Variants in NAGS observed in about 807,000 individuals in gnomAD.
NAGS encodes the protein N-acetylglutamate synthase.
In NAGS, 34 loss-of-function variants were observed where a neutral mutation model predicts 46.9. The observed-to-expected ratio is 0.72, with a 90% CI of 0.55 to 0.97. NAGS has a LOEUF of 0.97. Among genes scored for constraint, NAGS ranks in the 50% least tolerant of loss-of-function variants. The pLI, the probability that NAGS is intolerant of heterozygous loss-of-function variation, is 0.00. For synonymous variants in NAGS, 334 were observed against 346.3 expected (o/e 0.96, Z 0.39); for missense variants, 665 against 747.0 (o/e 0.89, Z 1.28).
In NAGS at chr17:44,008,549, C is replaced by T; in HGVS notation, c.1553C>T (p.Ala518Val). The change falls in exon 7 of 7, where the codon GCC becomes GTC. Residue 518 changes from alanine to valine, a missense_variant. Coordinates refer to ENST00000293404, the MANE Select transcript of NAGS (RefSeq NM_153006.3). ...GACTCCTATGAGTTGGTCAACCACG[C>T]CAAGGGACTGCCAGACTCCTTTCAC... ...IRDSYELVNH[A>V]KGLPDSFHKP... 3 of 1,614,276 alleles carry T rather than the reference C, an allele frequency of 1.9e-6. No homozygotes were observed. Among genetic ancestry groups the T allele is most frequent in the Non-Finnish European group, 2.5e-6 (3 of 1,180,052 alleles).
Position 44,007,258 on chromosome 17 carries a change from G to A in NAGS, c.1097-65G>A, listed in dbSNP as rs1229331484. The A allele has an allele frequency of 3.9e-6, 6 of 1,531,178 alleles. No homozygotes were observed. The highest frequency in any genetic ancestry group is 5.4e-6 in the Non-Finnish European group (6 of 1,118,812). 94.8% of individuals were successfully genotyped at this position (1,531,178 alleles called of 1,614,324 possible). On this transcript the variant is annotated intron_variant, in intron 4 of 6. Transcript: ENST00000293404. This position sits in a 1 kb window ranked among gnomAD's most constrained non-coding sequence, Gnocchi z 5.1. ...TGTCCCACCAGCGCCTGTCCTACCT[G>A]CAGTCCCCACCAGGCTGCGCAAACG...
Position 44,006,670 on chromosome 17 carries a change from G to A in NAGS, c.1057G>A (p.Ala353Thr), listed in dbSNP as rs1320094253. Residue 353 changes from alanine (A) to threonine (T), a missense_variant, in exon 4 of 7, where the codon GCC becomes ACC. Ala to Thr is a moderately conservative substitution (Grantham distance 58, BLOSUM62 0). Coordinates refer to ENST00000293404, the MANE Select transcript of NAGS (RefSeq NM_153006.3). This position sits in a 1 kb window ranked among gnomAD's most constrained non-coding sequence, Gnocchi z 4.8. ...CCACCACTCCTCGGCCGTCATCACC[G>A]CCGCTAGCACGCTGCTCACTGAGCT... ...LPHHSSAVITAASTLLTELFS... is the reference protein window; with the variant it reads ...LPHHSSAVITTASTLLTELFS... 13 of 1,611,522 alleles carry A rather than the reference G, an allele frequency of 8.1e-6. No homozygotes were observed. Among genetic ancestry groups the A allele is most frequent in the Non-Finnish European group, 1.1e-5 (13 of 1,179,164 alleles).
Position 44,004,703 on chromosome 17 carries a change from G to A in NAGS, c.40G>A (p.Ala14Thr). 3 of 1,521,234 alleles carry A rather than the reference G, an allele frequency of 2.0e-6. No individual in the cohort carries two copies. Among genetic ancestry groups the A allele is most frequent in the South Asian group, 2.6e-5 (2 of 77,842 alleles). 94.2% of individuals were successfully genotyped at this position (1,521,234 alleles called of 1,614,324 possible). A position where few individuals can be genotyped will look rare whatever the true frequency, so the allele number is the denominator to read the frequency against. ...GATGGCTGTGGTTCTGCGGGCAGCT[G>A]CTGTAGCCCCGAGGCTGAGAGGCCG... ...ALMAVVLRAA[A>T]VAPRLRGRGG... The change falls in exon 1 of 7, where the codon GCT (alanine) becomes ACT (threonine). Residue 14 changes from alanine to threonine, a missense_variant. Coordinates refer to ENST00000293404, the MANE Select transcript of NAGS (RefSeq NM_153006.3).
chr17:44,006,084 C>T lies in NAGS; in HGVS notation c.762C>T (p.Ser254=), dbSNP rs771442151. Residue 254 remains serine, a synonymous_variant, in exon 3 of 7, where the codon AGC becomes AGT. Transcript: ENST00000293404. This position sits in a 1 kb window ranked among gnomAD's most constrained non-coding sequence, Gnocchi z 4.8. ...DLLQWCLESG[S]IPILCPIGET... is the part of the protein sequence containing the mutation. ...TGCAGTGGTGCCTGGAGTCGGGCAG[C>T]ATCCCCATCCTGTGCCCCATCGGGG... The T allele has an allele frequency of 6.2e-7, 1 of 1,612,388 alleles. No individual in the cohort carries two copies. The highest frequency in any genetic ancestry group is 8.5e-7 in the Non-Finnish European group (1 of 1,179,660).
Position 44,008,531 on chromosome 17 carries a change from A to AT in NAGS, c.1536dup (p.Glu513Ter), listed in dbSNP as rs1567944301. 1 of 1,614,238 alleles carries AT rather than the reference A, an allele frequency of 6.2e-7. No individual in the cohort carries two copies. Among genetic ancestry groups the AT allele is most frequent in the Admixed American group, 1.7e-5 (1 of 60,032 alleles). ...GGCCTGGCTGATATCCGGGACTCCTATGAGTTGGTCAACCACGCCAAGGGA... is the reference window on the plus strand; with the variant it reads ...GGCCTGGCTGATATCCGGGACTCCTATTGAGTTGGTCAACCACGCCAAGGGA... On this transcript the variant is annotated frameshift_variant, in exon 7 of 7. Coordinates refer to ENST00000293404, the MANE Select transcript of NAGS (RefSeq NM_153006.3). LOFTEE classifies it high-confidence loss of function.
In NAGS at chr17:44,005,545, G is replaced by A. The variant is rs1182427248; in HGVS notation, c.427-92G>A. Reference sequence around the variant, plus strand: ...ACTGGGTCCTGACAGCTTCTGGAAGGGTAGGGTCACCGAGACGGCCCTGCA... The same window carrying A: ...ACTGGGTCCTGACAGCTTCTGGAAGAGTAGGGTCACCGAGACGGCCCTGCA... On this transcript the variant is annotated intron_variant, in intron 1 of 6. Coordinates refer to ENST00000293404, the MANE Select transcript of NAGS (RefSeq NM_153006.3). This position sits in a 1 kb window ranked among gnomAD's most constrained non-coding sequence, Gnocchi z 7.2. 5.2e-6 allele frequency: 8 copies of A among 1,528,586 alleles called. No individual in the cohort carries two copies. The Admixed American group carries it at 1.5e-4, about 30-fold the overall frequency. 94.7% of individuals were successfully genotyped at this position (1,528,586 alleles called of 1,614,324 possible). A position where few individuals can be genotyped will look rare whatever the true frequency, so the allele number is the denominator to read the frequency against.
rs1424091637 is a variant in NAGS at position 44,005,320 on chromosome 17, C to T, written c.426+231C>T. 6.6e-6 allele frequency among the ~76,000 whole-genome samples: 1 copy of T among 152,228 alleles called. No homozygotes were observed. Among genetic ancestry groups the T allele is most frequent in the African/African-American group, 2.4e-5 (1 of 41,462 alleles). ...GGGACCCCACCCGCCAGGTGTGATG[C>T]TCTGAAGAAGGCCCCCAACATGGGC... On this transcript the variant is annotated intron_variant, in intron 1 of 6. Transcript: ENST00000293404. This position sits in a 1 kb window ranked among gnomAD's most constrained non-coding sequence, Gnocchi z 7.2.
At chr17:44,008,376 G>T in intron 6 of NAGS, 72 bp from the exon 7 acceptor site, 1 of 1,578,126 alleles carries the variant, frequency 6.3e-7, no homozygotes, top group South Asian at 1.1e-5. Context: ...GTTTTTTAAA[G>T]ACAGAACCAG....
Position 44,005,006 on chromosome 17 carries a change from GC to G in NAGS, c.345del (p.Ser116AlafsTer54). 1 of 1,554,514 alleles carries G rather than the reference GC, an allele frequency of 6.4e-7. No individual in the cohort carries two copies. On this transcript the variant is annotated frameshift_variant, in exon 1 of 7. Transcript: ENST00000293404. LOFTEE classifies it high-confidence loss of function. This position sits in a 1 kb window ranked among gnomAD's most constrained non-coding sequence, Gnocchi z 7.2. Reference protein sequence around the residue: ...DIQAFLNQCGASPGEARHWLT... With the variant: ...DIQAFLNQCGXSPGEARHWLT... Reference sequence around the variant, plus strand: ...CCAGGCCTTCCTGAACCAGTGCGGGGCCAGCCCTGGGGAGGCGCGCCACTGG... The same window carrying G: ...CCAGGCCTTCCTGAACCAGTGCGGGGCAGCCCTGGGGAGGCGCGCCACTGG...
chr17:44,006,398 T>C lies in NAGS; in HGVS notation c.916-131T>C. On this transcript the variant is annotated intron_variant, in intron 3 of 6. Coordinates refer to ENST00000293404, the MANE Select transcript of NAGS (RefSeq NM_153006.3). The surrounding 1 kb of genome is among the most constrained non-coding windows in gnomAD (Gnocchi z 4.8). ...GAGTTCAGCCCTGGGTGCCCAGATCTGCGCCCTCCCTGGCTAAGGACTCCG... is the reference window on the plus strand; with the variant it reads ...GAGTTCAGCCCTGGGTGCCCAGATCCGCGCCCTCCCTGGCTAAGGACTCCG... 2.0e-6 allele frequency: 3 copies of C among 1,467,004 alleles called. No homozygotes were observed. The highest frequency in any genetic ancestry group is 2.8e-6 in the Non-Finnish European group (3 of 1,075,718). 90.9% of individuals were successfully genotyped at this position (1,467,004 alleles called of 1,614,324 possible). A position where few individuals can be genotyped will look rare whatever the true frequency, so the allele number is the denominator to read the frequency against.
chr17:44,007,145 G>A lies in NAGS; in HGVS notation c.1097-178G>A, dbSNP rs2049104653. 3.1e-6 allele frequency: 2 copies of A among 653,502 alleles called. No homozygotes were observed. The highest frequency in any genetic ancestry group is 5.5e-5 in the East Asian group (2 of 36,220). The allele number at this position is 653,502 out of a possible 1,614,324, so 40.5% of individuals were successfully genotyped here. On this transcript the variant is annotated intron_variant, in intron 4 of 6. Transcript: ENST00000293404. This position sits in a 1 kb window ranked among gnomAD's most constrained non-coding sequence, Gnocchi z 5.1. Reference sequence around the variant, plus strand: ...ACTTGGGGCACAATCTCTGCCTGGGGAAAGCATCTCCTTGAATGAAAATCA... The same window carrying A: ...ACTTGGGGCACAATCTCTGCCTGGGAAAAGCATCTCCTTGAATGAAAATCA...
rs1284175895 is a variant in NAGS at position 44,005,565 on chromosome 17, C to A, written c.427-72C>A. On this transcript the variant is annotated intron_variant, in intron 1 of 6. Transcript: ENST00000293404. The surrounding 1 kb of genome is among the most constrained non-coding windows in gnomAD (Gnocchi z 7.2). Reference sequence around the variant, plus strand: ...GGAAGGGTAGGGTCACCGAGACGGCCCTGCAGGCCAGGCTGTGGGAGCCAG... The same window carrying A: ...GGAAGGGTAGGGTCACCGAGACGGCACTGCAGGCCAGGCTGTGGGAGCCAG... 1.6e-5 allele frequency: 25 copies of A among 1,567,234 alleles called. No individual in the cohort carries two copies. The highest frequency in any genetic ancestry group is 2.2e-5 in the Non-Finnish European group (25 of 1,156,328).
Position 44,007,243 on chromosome 17 carries a change from G to T in NAGS, c.1097-80G>T, listed in dbSNP as rs1416745153. 7.2e-7 allele frequency: 1 copy of T among 1,384,784 alleles called. No individual in the cohort carries two copies. The highest frequency in any genetic ancestry group is 1.0e-6 in the Non-Finnish European group (1 of 1,000,332). 85.8% of individuals were successfully genotyped at this position (1,384,784 alleles called of 1,614,324 possible). A position where few individuals can be genotyped will look rare whatever the true frequency, so the allele number is the denominator to read the frequency against. ...CCCAAAGACGGAAATTGTCCCACCA[G>T]CGCCTGTCCTACCTGCAGTCCCCAC... On this transcript the variant is annotated intron_variant, in intron 4 of 6. Coordinates refer to ENST00000293404, the MANE Select transcript of NAGS (RefSeq NM_153006.3). The surrounding 1 kb of genome is among the most constrained non-coding windows in gnomAD (Gnocchi z 5.1).
At position 44,006,569 on chromosome 17, in the gene NAGS, T is replaced by C. The variant is rs1203280225; in HGVS notation, c.956T>C (p.Val319Ala). 2 of 1,576,936 alleles carry C rather than the reference T, an allele frequency of 1.3e-6. No individual in the cohort carries two copies. Among genetic ancestry groups the C allele is most frequent in the Non-Finnish European group, 8.6e-7 (1 of 1,160,500 alleles). The change falls in exon 4 of 7, where the codon GTG becomes GCG. Residue 319 changes from valine to alanine, a missense_variant. By Grantham distance (64) the Val-to-Ala change is moderately conservative. Transcript: ENST00000293404. This position sits in a 1 kb window ranked among gnomAD's most constrained non-coding sequence, Gnocchi z 4.8. ...NVNLPADLDL[V>A]CNAEWVSTKE... ...AACCTGCCCGCCGACCTGGACCTGG[T>C]GTGCAACGCCGAGTGGGTGAGCACA...
chr17:44,006,761 G>C lies in NAGS; in HGVS notation c.1096+52G>C. ...TGGGTCCCGGGAGTGAGTACTGGCCGGGGCTGGGTGTCTGCGGTCAGGAGG... is the reference window on the plus strand; with the variant it reads ...TGGGTCCCGGGAGTGAGTACTGGCCCGGGCTGGGTGTCTGCGGTCAGGAGG... On this transcript the variant is annotated intron_variant, in intron 4 of 6. Coordinates refer to ENST00000293404, the MANE Select transcript of NAGS (RefSeq NM_153006.3). The surrounding 1 kb of genome is among the most constrained non-coding windows in gnomAD (Gnocchi z 4.8). 2.6e-6 allele frequency: 4 copies of C among 1,527,172 alleles called. No homozygotes were observed. Among genetic ancestry groups the C allele is most frequent in the Non-Finnish European group, 3.5e-6 (4 of 1,130,418 alleles). The allele number at this position is 1,527,172 out of a possible 1,614,324, so 94.6% of individuals were successfully genotyped here.
chr17:44,006,623 T>C lies in NAGS; in HGVS notation c.1010T>C (p.Val337Ala), dbSNP rs1211162204. The change falls in exon 4 of 7, where the codon GTG (valine) becomes GCG (alanine). Residue 337 changes from valine to alanine, a missense_variant. Val to Ala is a moderately conservative substitution (Grantham distance 64, BLOSUM62 0). Coordinates refer to ENST00000293404, the MANE Select transcript of NAGS (RefSeq NM_153006.3). This position sits in a 1 kb window ranked among gnomAD's most constrained non-coding sequence, Gnocchi z 4.8. The stretch of plus-strand genomic sequence containing the variant: ...GAACGGCAGCAGATGCGGCTCATCG[T>C]GGACGTGCTCAGCCGCCTGCCCCAC... ...TKERQQMRLI[V>A]DVLSRLPHHS... is the part of the protein sequence containing the mutation. 6.2e-7 allele frequency: 1 copy of C among 1,608,260 alleles called. No homozygotes were observed. The highest frequency in any genetic ancestry group is 8.5e-7 in the Non-Finnish European group (1 of 1,177,990).
rs1346535097 is a variant in NAGS at position 44,007,706 on chromosome 17, G to A, written c.1384G>A (p.Glu462Lys). The A allele has an allele frequency of 1.2e-6, 2 of 1,605,744 alleles. No homozygotes were observed. Among genetic ancestry groups the A allele is most frequent in the African/African-American group, 1.3e-5 (1 of 74,712 alleles). ...QGQGSGQMLW[E>K]CLRRDLQTLF... is the part of the protein sequence containing the mutation. ...CCAAGGCTCCGGCCAGATGCTGTGGGAGTGCCTGCGGCGGGACCTTCAGAC... is the reference window on the plus strand; with the variant it reads ...CCAAGGCTCCGGCCAGATGCTGTGGAAGTGCCTGCGGCGGGACCTTCAGAC... Residue 462 changes from glutamate to lysine, a missense_variant, in exon 6 of 7, where the codon GAG (glutamate) becomes AAG (lysine). Glu to Lys is a moderately conservative substitution (Grantham distance 56). Transcript: ENST00000293404. The surrounding 1 kb of genome is among the most constrained non-coding windows in gnomAD (Gnocchi z 5.1).
chr17:44,006,888 G>T lies in NAGS; in HGVS notation c.1096+179G>T. 1.8e-6 allele frequency: 1 copy of T among 570,560 alleles called. No homozygotes were observed. Among genetic ancestry groups the T allele is most frequent in the South Asian group, 2.0e-5 (1 of 49,278 alleles). The allele number at this position is 570,560 out of a possible 1,614,324, so 35.3% of individuals were successfully genotyped here. A position where few individuals can be genotyped will look rare whatever the true frequency, so the allele number is the denominator to read the frequency against. The stretch of plus-strand genomic sequence containing the variant: ...ACCCGGGGGAGGTGAGAGAGGAGGA[G>T]ACCCAGTGTACTGGAAGGGAACTCC... On this transcript the variant is annotated intron_variant, in intron 4 of 6. Transcript: ENST00000293404. The surrounding 1 kb of genome is among the most constrained non-coding windows in gnomAD (Gnocchi z 4.8).
At position 44,006,621 on chromosome 17, in the gene NAGS, C is replaced by T. The variant is rs1253375794; in HGVS notation, c.1008C>T (p.Ile336=). Reference sequence around the variant, plus strand: ...AAGAACGGCAGCAGATGCGGCTCATCGTGGACGTGCTCAGCCGCCTGCCCC... The same window carrying T: ...AAGAACGGCAGCAGATGCGGCTCATTGTGGACGTGCTCAGCCGCCTGCCCC... The part of the protein sequence containing the change: ...STKERQQMRL[I]VDVLSRLPHH... Residue 336 remains isoleucine (I), a synonymous_variant, in exon 4 of 7, where the codon ATC becomes ATT. Coordinates refer to ENST00000293404, the MANE Select transcript of NAGS (RefSeq NM_153006.3). This position sits in a 1 kb window ranked among gnomAD's most constrained non-coding sequence, Gnocchi z 4.8. 7 of 1,607,608 alleles carry T rather than the reference C, an allele frequency of 4.4e-6. No individual in the cohort carries two copies. The highest frequency in any genetic ancestry group is 5.9e-6 in the Non-Finnish European group (7 of 1,177,738).
Sources: gnomAD v4.1 joint callset for allele counts (sites outside exome capture counted in the v4.1 genomes callset) on GRCh38, gnomAD v4.1.1 for gene constraint, Gnocchi (gnomAD v3.1) non-coding constraint, MANE v1.5 for transcripts, NCBI Gene and HGNC (gene_info 2026-07-23, HGNC 2026-07-21) for gene names.